The following NRXN1 variants were observed in gnomAD, a reference collection of about 807,000 sequenced individuals.
NRXN1 encodes the protein neurexin 1, also known as neurexin-1.
A neutral mutation model predicts 150.9 loss-of-function variants in NRXN1; 39 were observed. That is an observed-to-expected ratio of 0.26 (90% confidence interval 0.20 to 0.34). The LOEUF (loss-of-function observed/expected upper bound fraction) is 0.34. NRXN1 is among the 10% of genes least tolerant of loss of function. NRXN1 has a pLI of 1.00. For synonymous variants in NRXN1, 924 were observed against 757.0 expected, an observed-to-expected ratio of 1.22 and a Z score of -3.62; for missense variants, 1,815 against 1,949.9, an observed-to-expected ratio of 0.93 and a Z score of 1.30.
chr2:50,801,621 A>G (rs1213118419), intron 5 of NRXN1, among the ~76,000 whole-genome samples: 1 of 152,162 alleles, frequency 6.6e-6, no homozygotes, highest in Non-Finnish European at 1.5e-5. Context: ...TATGCACAAA[A>G]AACTTCAGCT....
At chr2:50,105,193 T>G (rs1379812057) in intron 18 of NRXN1, 1 of 152,050 alleles carries the variant, frequency 6.6e-6, no homozygotes, top group African/African-American at 2.4e-5. Flanking sequence ...TTAGGAGGTT[T>G]GTATACTGAT....
At chr2:50,858,152 G>A (rs932672108) in intron 5 of NRXN1, among the ~76,000 whole-genome samples, 2 of 151,340 alleles carry the variant, frequency 1.3e-5, no homozygotes, top group Non-Finnish European at 2.9e-5. Context: ...CATTGTTTGT[G>A]CATAAATCTC....
intron 18 of NRXN1, among the ~76,000 whole-genome samples, chr2:50,138,048 A>C (rs1706682044): frequency 6.6e-6 from 1 of 152,228 alleles, no homozygotes; most frequent in African/African-American, 2.4e-5. Flanking sequence ...AAAAAAATTT[A>C]TGCAGCCTTG....
At chr2:50,390,243 A>G (rs1032807468) in intron 17 of NRXN1, among the ~76,000 whole-genome samples, 1 of 152,182 alleles carries the variant, frequency 6.6e-6, no homozygotes, top group Non-Finnish European at 1.5e-5. Flanking sequence ...GGGGTGTTAC[A>G]GGAAATAGGA....
intron 8 of NRXN1, among the ~76,000 whole-genome samples, chr2:50,575,001 A>G (rs1671191119): frequency 6.6e-6 from 1 of 152,212 alleles, no homozygotes; most frequent in Admixed American, 6.5e-5. Context: ...ACTGGGATGT[A>G]TTAGAGCAAT....
chr2:50,206,734 G>A (rs942997001), intron 18 of NRXN1, among the ~76,000 whole-genome samples: 12 of 151,748 alleles, frequency 7.9e-5, no homozygotes, highest in Admixed American at 2.0e-4. Context: ...GTTTGAAAAC[G>A]TCATTTGTTA....
At chr2:50,273,129 G>A (rs914357183) in intron 17 of NRXN1, among the ~76,000 whole-genome samples, 2 of 152,110 alleles carry the variant, frequency 1.3e-5, no homozygotes, top group Admixed American at 1.3e-4. Context: ...GGCAAATATT[G>A]AAAAGATTGA....
At chr2:50,399,626 C>T (rs945604826) in intron 17 of NRXN1, among the ~76,000 whole-genome samples, 1 of 151,554 alleles carries the variant, frequency 6.6e-6, no homozygotes, top group African/African-American at 2.4e-5. Flanking sequence ...TTAGGCTTGC[C>T]TAACCCAGGG....
intron 17 of NRXN1, among the ~76,000 whole-genome samples, chr2:50,332,981 A>G (rs2076928968): frequency 6.6e-6 from 1 of 152,234 alleles, no homozygotes; most frequent in Admixed American, 6.5e-5. Context: ...AATACTGGCC[A>G]TCACACCAAC....
chr2:50,779,793 C>T lies in NRXN1; in HGVS notation c.832+142076G>A, dbSNP rs568833924. 2.0e-5 allele frequency among the ~76,000 whole-genome samples: 3 copies of T among 150,646 alleles called. No individual in the cohort carries two copies. The South Asian group carries it at 6.3e-4, about 31-fold the overall frequency. On this transcript the variant is annotated intron_variant, in intron 5 of 22. Transcript: ENST00000401669. Reference sequence around the variant, plus strand: ...AAAAATAAAATAAAATAAAATAAAACAAAACAAAATAAAATAAAATAAAAT... The same window carrying T: ...AAAAATAAAATAAAATAAAATAAAATAAAACAAAATAAAATAAAATAAAAT...
intron 8 of NRXN1, among the ~76,000 whole-genome samples, chr2:50,608,326 A>G (rs575976927): frequency 5.9e-5 from 9 of 152,264 alleles, no homozygotes; most frequent in African/African-American, 2.2e-4. Flanking sequence ...TGTATATTAA[A>G]TCACTTGGGG....
At chr2:50,820,734 G>C (rs1331026469) in intron 5 of NRXN1, among the ~76,000 whole-genome samples, 1 of 152,120 alleles carries the variant, frequency 6.6e-6, no homozygotes, top group African/African-American at 2.4e-5. Context: ...ACAAGGAGGA[G>C]CCTGGTGTGA....
intron 21 of NRXN1, among the ~76,000 whole-genome samples, chr2:49,944,707 TCTG>T (rs1172996331): frequency 2.0e-5 from 3 of 152,166 alleles, no homozygotes; most frequent in Non-Finnish European, 4.4e-5. Flanking sequence ...CAGAGTTGGC[TCTG>T]CTAAGGTAAA....
intron 2 of NRXN1, among the ~76,000 whole-genome samples, chr2:50,947,782 T>C (rs551574116): frequency 6.6e-6 from 1 of 152,156 alleles, no homozygotes; most frequent in Non-Finnish European, 1.5e-5. Flanking sequence ...GTTTCCCTCA[T>C]TTCCAGTGAA....
At chr2:50,215,939 G>A (rs1324331756) in intron 18 of NRXN1, among the ~76,000 whole-genome samples, 2 of 152,000 alleles carry the variant, frequency 1.3e-5, no homozygotes, top group Non-Finnish European at 2.9e-5. Context: ...AACTGAATGT[G>A]GTTAAACCTC....
intron 16 of NRXN1, among the ~76,000 whole-genome samples, chr2:50,471,943 G>T (rs2089512311): frequency 6.6e-6 from 1 of 151,596 alleles, no homozygotes; most frequent in African/African-American, 2.4e-5. Flanking sequence ...ATACTCGGTG[G>T]AGCAGTATTT....
Position 49,927,733 on chromosome 2 carries a change from G to A in NRXN1, c.4217-5482C>T, listed in dbSNP as rs1341766967. On this transcript the variant is annotated intron_variant, in intron 22 of 22. Transcript: ENST00000401669. ...GATATAGAATGGGGTTTGGTGGGTG[G>A]TGGGACCTTATCTTTCTATTGACAA... Among the ~76,000 whole-genome samples the A allele has an allele frequency of 2.0e-5, 3 of 152,270 alleles. No homozygotes were observed. In the East Asian group the frequency reaches 5.8e-4, roughly 29 times the overall value.
intron 18 of NRXN1, among the ~76,000 whole-genome samples, chr2:50,197,160 T>A (rs1424524051): frequency 6.6e-6 from 1 of 152,152 alleles, no homozygotes; most frequent in African/African-American, 2.4e-5. Context: ...GACGGTGATT[T>A]CAAAGGAAAC....
At chr2:50,753,729 T>C (rs1700865201) in intron 5 of NRXN1, among the ~76,000 whole-genome samples, 1 of 151,836 alleles carries the variant, frequency 6.6e-6, no homozygotes, top group African/African-American at 2.4e-5. Context: ...TTTTAGGAAA[T>C]ATTCTGAGTG....
Sources: allele counts gnomAD v4.1 joint callset (sites outside exome capture counted in the v4.1 genomes callset), GRCh38; gene constraint gnomAD v4.1.1; transcripts MANE v1.5; gene names NCBI Gene and HGNC (gene_info 2026-07-23, HGNC 2026-07-21).